The following DIP2C variants were observed in gnomAD, a reference collection of about 807,000 sequenced individuals.
The protein encoded by DIP2C is DIP2 acetate--CoA ligase C (putative), also known as disco-interacting protein 2 homolog C.
A neutral mutation model predicts 192.4 loss-of-function variants in DIP2C; 33 were observed. The observed-to-expected ratio is 0.17, with a 90% CI of 0.13 to 0.23. The LOEUF is 0.23. Ranked by LOEUF, DIP2C falls within the 10% of genes least tolerant of loss-of-function variation. The pLI, the probability that DIP2C is intolerant of heterozygous loss-of-function variation, is 1.00. For missense variants in DIP2C, 1,537 were observed against 2,110.1 expected (o/e 0.73, Z 5.32); for synonymous variants, 979 against 864.1 (o/e 1.13, Z -2.33).
At chr10:602,280 A>G (rs924391229) in intron 1 of DIP2C, among the ~76,000 whole-genome samples, 11 of 152,168 alleles carry the variant, frequency 7.2e-5, no homozygotes, top group African/African-American at 2.7e-4. Context: ...CCGAACCCCA[A>G]CTTGCACAGG....
In DIP2C at chr10:345,030, G is replaced by A. The variant is rs771579499; in HGVS notation, c.3312C>T (p.Asp1104=). The part of the protein sequence containing the change: ...LRSREAAAAV[D]VRTWPLILDT... The stretch of plus-strand genomic sequence containing the variant: ...CCAGGATGAGGGGCCACGTCCTGAC[G>A]TCCACAGCCGCCGCCGCCTCCCTGG... The change falls in exon 27 of 37, where the codon GAC becomes GAT. Residue 1104 remains aspartate (D), a synonymous_variant. Coordinates refer to ENST00000280886, the MANE Select transcript of DIP2C (RefSeq NM_014974.3). 22 of 1,613,442 alleles carry A rather than the reference G, an allele frequency of 1.4e-5. No homozygotes were observed. The highest frequency in any genetic ancestry group is 2.2e-5 in the East Asian group (1 of 44,880).
intron 7 of DIP2C, 98 bp downstream of exon 7, chr10:415,671 T>C (rs146930088): frequency 6.6e-7 from 1 of 1,514,002 alleles, no homozygotes; most frequent in Non-Finnish European, 9.0e-7. Context: ...CCACGATTAC[T>C]GCTCTTAAAA....
intron 18 of DIP2C, among the ~76,000 whole-genome samples, chr10:366,991 G>C (rs1272011890): frequency 1.3e-5 from 2 of 152,224 alleles, no homozygotes; most frequent in Non-Finnish European, 2.9e-5. Flanking sequence ...AGGGAGCCAA[G>C]AGCCTCAGGC....
chr10:353,997 G>A (rs1958951372), intron 24 of DIP2C, among the ~76,000 whole-genome samples: 1 of 152,236 alleles, frequency 6.6e-6, no homozygotes, highest in Non-Finnish European at 1.5e-5. Flanking sequence ...CTGCTACCTT[G>A]GTCCAGGCCC....
intron 1 of DIP2C, among the ~76,000 whole-genome samples, chr10:577,623 G>A (rs561260865): frequency 1.5e-4 from 23 of 152,260 alleles, no homozygotes; most frequent in African/African-American, 5.1e-4. Flanking sequence ...TCAGCCTGCT[G>A]CTTATTTAAA....
chr10:315,719 C>A (rs1306552686), intron 31 of DIP2C, among the ~76,000 whole-genome samples: 1 of 152,184 alleles, frequency 6.6e-6, no homozygotes, highest in Non-Finnish European at 1.5e-5. Context: ...TGTGTTGATT[C>A]TTCCCTTCAC....
At chr10:514,117 G>T (rs985469020) in intron 1 of DIP2C, among the ~76,000 whole-genome samples, 1 of 152,182 alleles carries the variant, frequency 6.6e-6, no homozygotes, top group African/African-American at 2.4e-5. Flanking sequence ...GCCACCTCGG[G>T]GGGACAGAGG....
rs540568437 is a variant in DIP2C, at chr10:486,001, G to A, written c.157+458C>T. On this transcript the variant is annotated intron_variant, in intron 2 of 36. Transcript: ENST00000280886. ...ACTGCCCTTCTCAAGAATCATCATG[G>A]ATGTTTGCAACCACATCTCAACACA... Among the ~76,000 whole-genome samples, 61 of 152,334 alleles carry A rather than the reference G, an allele frequency of 4.0e-4. 1 individual carries two copies. The South Asian group carries it at 0.013, about 32-fold the overall frequency.
intron 29 of DIP2C, among the ~76,000 whole-genome samples, chr10:333,944 T>G (rs1359156353): frequency 6.6e-6 from 1 of 151,998 alleles, no homozygotes; most frequent in Non-Finnish European, 1.5e-5. Flanking sequence ...TTGTATGTCT[T>G]CTTCTGGTGA....
chr10:486,427 G>A (rs1402070736), intron 2 of DIP2C, 32 bp downstream of exon 2: 1 of 1,557,478 alleles, frequency 6.4e-7, no homozygotes, highest in Middle Eastern at 1.7e-4. Flanking sequence ...CGGGAAATGA[G>A]AGGACTCATG....
intron 1 of DIP2C, among the ~76,000 whole-genome samples, chr10:543,656 G>A (rs998266128): frequency 3.0e-4 from 46 of 152,298 alleles, no homozygotes; most frequent in African/African-American, 9.9e-4. Flanking sequence ...TTAACTCTCT[G>A]GGGACATGAG....
intron 31 of DIP2C, among the ~76,000 whole-genome samples, chr10:317,261 T>G (rs983123667): frequency 1.3e-5 from 2 of 152,206 alleles, no homozygotes; most frequent in African/African-American, 2.4e-5. Flanking sequence ...TCAGGCCGTC[T>G]ACCAGCAAGC....
At chr10:468,937 G>A (rs900789698) in intron 3 of DIP2C, among the ~76,000 whole-genome samples, 21 of 152,224 alleles carry the variant, frequency 1.4e-4, no homozygotes, top group Admixed American at 1.3e-4. Context: ...TCTACCACCT[G>A]TAACCTATAC....
chr10:670,273 CATAT>C (rs1830560436), intron 1 of DIP2C, among the ~76,000 whole-genome samples: 5 of 142,250 alleles, frequency 3.5e-5, no homozygotes, highest in African/African-American at 1.4e-4. Context: ...TACACGCATG[CATAT>C]ACACACGTAC....
intron 17 of DIP2C, among the ~76,000 whole-genome samples, chr10:372,157 C>T (rs1387154386): frequency 6.6e-6 from 1 of 151,032 alleles, no homozygotes; most frequent in Non-Finnish European, 1.5e-5. Flanking sequence ...CTCGCTGCAA[C>T]CTCTGCCTCC....
chr10:483,204 G>A (rs4881337), intron 2 of DIP2C, among the ~76,000 whole-genome samples: 124,434 of 152,122 alleles, frequency 0.82, 53,441 homozygotes, highest in Non-Finnish European at 0.93. Context: ...GTTTCTGGAG[G>A]AATAGGAATG....
At chr10:380,834 C>G (rs1219445440) in intron 17 of DIP2C, among the ~76,000 whole-genome samples, 1 of 151,564 alleles carries the variant, frequency 6.6e-6, no homozygotes, top group Non-Finnish European at 1.5e-5. Context: ...TCTGACCACT[C>G]CTACATGGGA....
chr10:514,023 A>G (rs916185280), intron 1 of DIP2C, among the ~76,000 whole-genome samples: 1 of 152,180 alleles, frequency 6.6e-6, no homozygotes, highest in Non-Finnish European at 1.5e-5. Flanking sequence ...AGAAACCTTG[A>G]ATTTCCAATC....
chr10:368,921 A>G (rs990823407), intron 18 of DIP2C, among the ~76,000 whole-genome samples: 4 of 152,238 alleles, frequency 2.6e-5, no homozygotes, highest in Admixed American at 2.6e-4. Context: ...TAAGAATGGT[A>G]AAGCGGCTCC....
Sources: allele counts gnomAD v4.1 joint callset (sites outside exome capture counted in the v4.1 genomes callset), GRCh38; gene constraint gnomAD v4.1.1; transcripts MANE v1.5; gene names NCBI Gene and HGNC (gene_info 2026-07-23, HGNC 2026-07-21).